The following SRRM4 variants were observed in gnomAD, a reference collection of about 807,000 sequenced individuals.
SRRM4 encodes serine/arginine repetitive matrix protein 4.
SRRM4 carries 33 observed loss-of-function variants against 68.9 expected under a neutral mutation model. The ratio of observed to expected loss-of-function variants is 0.48; its 90% CI spans 0.36 to 0.64. The LOEUF (loss-of-function observed/expected upper bound fraction) is 0.64. Ranked by LOEUF, SRRM4 falls within the 30% of genes least tolerant of loss-of-function variation. The pLI is 0.00. For synonymous variants in SRRM4, 318 were observed against 318.8 expected (o/e 1.00, Z 0.03); for missense variants, 817 against 827.1 (o/e 0.99, Z 0.15).
At chr12:119,061,957 G>A (rs139733525) in intron 1 of SRRM4, among the ~76,000 whole-genome samples, 20 of 152,216 alleles carry the variant, frequency 1.3e-4, no homozygotes, top group African/African-American at 3.9e-4. Context: ...GCAGTCATGC[G>A]TCACTTATAA....
chr12:119,015,699 A>G (rs891222778), intron 1 of SRRM4, among the ~76,000 whole-genome samples: 2 of 152,108 alleles, frequency 1.3e-5, no homozygotes, highest in East Asian at 1.9e-4. Context: ...TTTGTAATCA[A>G]TCAGGTTGTT....
In SRRM4 at chr12:119,033,524, C is replaced by T. The variant is rs563700807; in HGVS notation, c.131+51511C>T. The stretch of plus-strand genomic sequence containing the variant: ...ACTAAAAATACAAAAATTAGCTGGG[C>T]GTGGTGGCACGCGCCTATGGTCCCA... On this transcript the variant is annotated intron_variant, in intron 1 of 12. Coordinates refer to ENST00000267260, the MANE Select transcript of SRRM4 (RefSeq NM_194286.4). Among the ~76,000 whole-genome samples the T allele has an allele frequency of 2.6e-5, 4 of 152,160 alleles. No homozygotes were observed. In the East Asian group the frequency reaches 5.8e-4, roughly 22 times the overall value.
chr12:119,111,727 C>T (rs960185213), intron 2 of SRRM4, among the ~76,000 whole-genome samples: 17 of 152,018 alleles, frequency 1.1e-4, no homozygotes, highest in African/African-American at 4.1e-4. Flanking sequence ...AGGCTTTTGC[C>T]CTGTGACAAG....
intron 1 of SRRM4, among the ~76,000 whole-genome samples, chr12:119,088,522 G>C (rs550701257): frequency 6.6e-6 from 1 of 152,152 alleles, no homozygotes; most frequent in Non-Finnish European, 1.5e-5. Flanking sequence ...ACTGCAATAC[G>C]TAAGGTATTA....
intron 1 of SRRM4, among the ~76,000 whole-genome samples, chr12:119,028,789 T>C (rs1276046889): frequency 6.6e-6 from 1 of 152,182 alleles, no homozygotes; most frequent in Non-Finnish European, 1.5e-5. Context: ...GGGCTGCACA[T>C]GCAGGAGAGA....
chr12:118,995,380 A>C (rs1356403651), intron 1 of SRRM4, among the ~76,000 whole-genome samples: 1 of 152,206 alleles, frequency 6.6e-6, no homozygotes, highest in Non-Finnish European at 1.5e-5. Flanking sequence ...TCCTGAGATA[A>C]GGAAAGATGA....
chr12:119,037,535 T>A (rs2136009543), intron 1 of SRRM4, among the ~76,000 whole-genome samples: 1 of 152,332 alleles, frequency 6.6e-6, no homozygotes, highest in Admixed American at 6.5e-5. Flanking sequence ...TCTGCGTGAA[T>A]CAAGATTTCA....
At chr12:119,045,070 T>C (rs1186634515) in intron 1 of SRRM4, among the ~76,000 whole-genome samples, 1 of 152,158 alleles carries the variant, frequency 6.6e-6, no homozygotes, top group African/African-American at 2.4e-5. Context: ...CCGTAGAAGG[T>C]GTTAGAGACA....
intron 2 of SRRM4, among the ~76,000 whole-genome samples, chr12:119,111,289 T>A (rs1189507145): frequency 6.6e-6 from 1 of 152,178 alleles, no homozygotes; most frequent in Non-Finnish European, 1.5e-5. Context: ...CAAGTAGAAC[T>A]AGTGTAGGGA....
At chr12:119,135,112 C>T (rs892488236) in intron 8 of SRRM4, among the ~76,000 whole-genome samples, 2 of 152,126 alleles carry the variant, frequency 1.3e-5, no homozygotes, top group Admixed American at 6.5e-5. Context: ...GAAAGGGGAA[C>T]TGTTATGAGT....
chr12:119,155,271 A>G (rs2136070774), intron 12 of SRRM4, among the ~76,000 whole-genome samples: 1 of 152,322 alleles, frequency 6.6e-6, no homozygotes, highest in Middle Eastern at 3.4e-3. Context: ...AGAATGATTG[A>G]ATGCTGCCCT....
intron 2 of SRRM4, 142 bp from the exon 3 acceptor site, chr12:119,114,136 A>G (rs1386786841): frequency 5.0e-6 from 3 of 599,276 alleles, no homozygotes; most frequent in South Asian, 2.2e-5. Context: ...GTGTGACCCA[A>G]TCAGCCATGA....
intron 2 of SRRM4, among the ~76,000 whole-genome samples, chr12:119,110,085 G>A (rs1954132881): frequency 6.6e-6 from 1 of 152,180 alleles, no homozygotes; most frequent in South Asian, 2.1e-4. Flanking sequence ...GTTTGCTGGA[G>A]GTCCACTCCA....
At chr12:119,115,028 A>G (rs1954169613) in intron 3 of SRRM4, among the ~76,000 whole-genome samples, 1 of 151,696 alleles carries the variant, frequency 6.6e-6, no homozygotes, top group Non-Finnish European at 1.5e-5. Context: ...GCAGAGGACT[A>G]GACTAGGCAC....
At chr12:119,112,722 T>C in intron 2 of SRRM4, among the ~76,000 whole-genome samples, 1 of 152,184 alleles carries the variant, frequency 6.6e-6, no homozygotes, top group East Asian at 1.9e-4. Flanking sequence ...AAATACTGCA[T>C]GATCTCACTT....
intron 1 of SRRM4, among the ~76,000 whole-genome samples, chr12:119,078,120 T>C (rs1201475418): frequency 6.6e-6 from 1 of 152,204 alleles, no homozygotes; most frequent in East Asian, 1.9e-4. Context: ...GCAGGTGGGA[T>C]GTACGTTATT....
Position 119,102,277 on chromosome 12 carries a change from G to C in SRRM4, c.173G>C (p.Gly58Ala), listed in dbSNP as rs750031037. ...AACCCCGTTGTCCCAGCTCAGGATG[G>C]ACCCTCAGAAAAGCTGGGTCAGCAT... The part of the protein sequence containing the change: ...QNNPVVPAQD[G>A]PSEKLGQHLA... The change falls in exon 2 of 13, where the codon GGA (glycine) becomes GCA (alanine). Residue 58 changes from glycine to alanine, a missense_variant. By Grantham distance (60) the Gly-to-Ala change is moderately conservative. Coordinates refer to ENST00000267260, the MANE Select transcript of SRRM4 (RefSeq NM_194286.4). 1 of 1,613,628 alleles carries C rather than the reference G, an allele frequency of 6.2e-7. No homozygotes were observed. Among genetic ancestry groups the C allele is most frequent in the Non-Finnish European group, 8.5e-7 (1 of 1,179,796 alleles).
intron 2 of SRRM4, among the ~76,000 whole-genome samples, chr12:119,102,690 G>A (rs1954084433): frequency 6.6e-6 from 1 of 152,156 alleles, no homozygotes; most frequent in South Asian, 2.1e-4. Context: ...TTGGCCCACT[G>A]GCTGTAGTTC....
intron 6 of SRRM4, among the ~76,000 whole-genome samples, chr12:119,123,964 G>A (rs972071993): frequency 2.6e-5 from 4 of 152,150 alleles, no homozygotes; most frequent in Non-Finnish European, 4.4e-5. Context: ...GTGGCCTCCC[G>A]CAGGAGGCAG....
Sources: allele counts gnomAD v4.1 joint callset (sites outside exome capture counted in the v4.1 genomes callset), GRCh38; gene constraint gnomAD v4.1.1; transcripts MANE v1.5; gene names NCBI Gene and HGNC (gene_info 2026-07-23, HGNC 2026-07-21).